The following DAAM2 variants were observed in gnomAD, a reference collection of about 807,000 sequenced individuals.
DAAM2 encodes disheveled-associated activator of morphogenesis 2.
DAAM2 carries 39 observed loss-of-function variants against 120.7 expected under a neutral mutation model. That is an observed-to-expected ratio of 0.32 (90% CI 0.25 to 0.42). The LOEUF is 0.42. Ranked by LOEUF, DAAM2 falls within the 10% of genes least tolerant of loss-of-function variation. The pLI, the probability that DAAM2 is intolerant of heterozygous loss-of-function variation, is 1.00. For synonymous variants in DAAM2, 488 were observed against 524.9 expected (o/e 0.93, Z 0.96); for missense variants, 1,283 against 1,401.7 (o/e 0.92, Z 1.35).
Position 39,879,408 on chromosome 6 carries a change from A to G in DAAM2, c.1776A>G (p.Pro592=). The change falls in exon 14 of 25, where the codon CCA becomes CCG. Residue 592 remains proline (P), a synonymous_variant. Transcript: ENST00000274867. ...PQDPYPSSDV[P]LRKKRVPQPS... The stretch of plus-strand genomic sequence containing the variant: ...ACCCCTACCCCAGCAGTGACGTCCC[A>G]CTCAGGAAAAAGCGTGTCCCCCAGC... 1 of 1,605,622 alleles carries G rather than the reference A, an allele frequency of 6.2e-7. No individual in the cohort carries two copies. Among genetic ancestry groups the G allele is most frequent in the South Asian group, 1.1e-5 (1 of 90,702 alleles).
chr6:39,871,608 G>A (rs762312830), intron 9 of DAAM2, 36 bp downstream of exon 9: 5 of 1,537,698 alleles, frequency 3.3e-6, no homozygotes, highest in South Asian at 2.4e-5. Context: ...TTGCAATGGG[G>A]TAGTAGGGTT....
chr6:39,872,376 C>T (rs536862962), intron 9 of DAAM2, among the ~76,000 whole-genome samples: 3 of 152,268 alleles, frequency 2.0e-5, no homozygotes, highest in East Asian at 1.9e-4. Flanking sequence ...GGGAAGGCAT[C>T]GGCCTAGGAG....
Position 39,901,964 on chromosome 6 carries a change from G to T in DAAM2, c.3134G>T (p.Arg1045Leu). The T allele has an allele frequency of 6.2e-7, 1 of 1,612,306 alleles. No individual in the cohort carries two copies. The highest frequency in any genetic ancestry group is 1.3e-5 in the African/African-American group (1 of 75,018). Residue 1045 changes from arginine (R) to leucine (L), a missense_variant, in exon 25 of 25, where the codon CGC (arginine) becomes CTC (leucine). Transcript: ENST00000274867. The surrounding 1 kb of genome is among the most constrained non-coding windows in gnomAD (Gnocchi z 4.5). Reference protein sequence around the residue: ...VFDKDLCKLKRSRKRSGSQAL... With the variant: ...VFDKDLCKLKLSRKRSGSQAL... ...GACAAGGACTTATGCAAGCTCAAGC[G>T]CAGCCGCAAGCGATCAGGGAGCCAG... is the stretch of plus-strand genomic sequence containing the variant.
rs140071962 is a variant in DAAM2 at position 39,848,240 on chromosome 6, C to T, written c.-56-8007C>T. ...CAGGGCCTGGAGCCGCACCTCCTTG[C>T]CTCCCTTACATCCTAGGATCTGATG... On this transcript the variant is annotated intron_variant, in intron 1 of 24. Coordinates refer to ENST00000274867, the MANE Select transcript of DAAM2 (RefSeq NM_001201427.2). 8.6e-3 allele frequency among the ~76,000 whole-genome samples: 1,307 copies of T among 152,256 alleles called. 15 individuals carry two copies. The highest frequency in any genetic ancestry group is 0.03 in the African/African-American group (1,230 of 41,540).
chr6:39,898,843 G>A, intron 21 of DAAM2, 34 bp from the exon 22 acceptor site: 7 of 1,584,260 alleles, frequency 4.4e-6, no homozygotes, highest in Non-Finnish European at 6.0e-6. Context: ...GGAGTTGATG[G>A]TCCTCATTCC....
At chr6:39,824,637 T>C (rs1762603527) in intron 1 of DAAM2, among the ~76,000 whole-genome samples, 1 of 152,138 alleles carries the variant, frequency 6.6e-6, no homozygotes, top group South Asian at 2.1e-4. Flanking sequence ...CAGAGAACTT[T>C]GCATCAGCAT....
chr6:39,834,381 T>A (rs1343838750), intron 1 of DAAM2, among the ~76,000 whole-genome samples: 5 of 152,188 alleles, frequency 3.3e-5, no homozygotes, highest in Non-Finnish European at 7.3e-5. Flanking sequence ...GGAGAAAAAG[T>A]GTGATGTGGA....
At chr6:39,868,752 T>A (rs1764528847) in intron 6 of DAAM2, 71 bp from the exon 7 acceptor site, 1 of 1,143,806 alleles carries the variant, frequency 8.7e-7, no homozygotes, top group Non-Finnish European at 1.3e-6. Flanking sequence ...GCGACAGGAG[T>A]AAAGATGCAA....
chr6:39,861,381 G>A (rs1305284721), intron 3 of DAAM2: 5 of 364,804 alleles, frequency 1.4e-5, no homozygotes, highest in Non-Finnish European at 2.7e-5. Flanking sequence ...AATCAGTTTG[G>A]GGGGCAGGGA....
In DAAM2 at chr6:39,902,363, C is replaced by T; in HGVS notation, c.*326C>T. Reference sequence around the variant, plus strand: ...TACCATGGGCACCCATGTGCTGGCACAGAACAGTTCCAGATCTAGACTGGA... The same window carrying T: ...TACCATGGGCACCCATGTGCTGGCATAGAACAGTTCCAGATCTAGACTGGA... On this transcript the variant is annotated 3_prime_UTR_variant, in exon 25 of 25. Transcript: ENST00000274867. The T allele has an allele frequency of 4.3e-6, 1 of 231,476 alleles. No individual in the cohort carries two copies. The highest frequency in any genetic ancestry group is 8.3e-6 in the Non-Finnish European group (1 of 119,900). The allele number at this position is 231,476 out of a possible 1,614,324, so 14.3% of individuals were successfully genotyped here. A position where few individuals can be genotyped will look rare whatever the true frequency, so the allele number is the denominator to read the frequency against.
intron 1 of DAAM2, among the ~76,000 whole-genome samples, chr6:39,842,677 T>A (rs989227385): frequency 1.3e-5 from 2 of 151,970 alleles, no homozygotes; most frequent in Non-Finnish European, 2.9e-5. Context: ...ATACAAGATA[T>A]TAAATAACGT....
intron 14 of DAAM2, among the ~76,000 whole-genome samples, chr6:39,881,341 C>T (rs1222466588): frequency 6.6e-6 from 1 of 152,214 alleles, no homozygotes; most frequent in Non-Finnish European, 1.5e-5. Flanking sequence ...CAATGCCAAG[C>T]TTTTAATTGT....
chr6:39,872,380 C>T (rs1294635117), intron 9 of DAAM2, among the ~76,000 whole-genome samples: 2 of 152,128 alleles, frequency 1.3e-5, no homozygotes, highest in African/African-American at 4.8e-5. Context: ...AGGCATCGGC[C>T]TAGGAGGAGA....
intron 6 of DAAM2, chr6:39,868,287 A>G: frequency 4.3e-6 from 1 of 231,896 alleles, no homozygotes. Flanking sequence ...AGCTTCAGCC[A>G]TGCTATTCTC....
Position 39,858,331 on chromosome 6 carries a change from T to C in DAAM2, c.168+1861T>C, listed in dbSNP as rs755572374. ...TGACCATTTGGAGGCTTTTGCCTCC[T>C]AATCCTACAGGTTAGAGAGAAGGGT... is the stretch of plus-strand genomic sequence containing the variant. On this transcript the variant is annotated intron_variant, in intron 2 of 24. Transcript: ENST00000274867. Among the ~76,000 whole-genome samples, 4 of 152,228 alleles carry C rather than the reference T, an allele frequency of 2.6e-5. No individual in the cohort carries two copies. The East Asian group carries it at 7.7e-4, about 29-fold the overall frequency.
At chr6:39,801,320 G>A (rs957903717) in intron 1 of DAAM2, among the ~76,000 whole-genome samples, 3 of 152,140 alleles carry the variant, frequency 2.0e-5, no homozygotes, top group Admixed American at 1.3e-4. Flanking sequence ...CTGAGTGAAT[G>A]TCTTGACTTT....
rs768402824 is a variant in DAAM2, at chr6:39,864,484, G to T, written c.310G>T (p.Asp104Tyr). The change falls in exon 4 of 25, where the codon GAC (aspartate) becomes TAC (tyrosine). Residue 104 changes from aspartate to tyrosine, a missense_variant. Asp to Tyr is a radical substitution (Grantham distance 160). Coordinates refer to ENST00000274867, the MANE Select transcript of DAAM2 (RefSeq NM_001201427.2). Reference sequence around the variant, plus strand: ...AACCAGCTGGCCTGACTATTACATCGACCGCATCAATTCCATGGCTGCGGT... The same window carrying T: ...AACCAGCTGGCCTGACTATTACATCTACCGCATCAATTCCATGGCTGCGGT... ...LATSWPDYYI[D>Y]RINSMAAMQS... is the part of the protein sequence containing the mutation. The T allele has an allele frequency of 6.2e-7, 1 of 1,612,132 alleles. No homozygotes were observed. The highest frequency in any genetic ancestry group is 1.3e-5 in the African/African-American group (1 of 74,816).
intron 1 of DAAM2, 128 bp from the exon 2 acceptor site, chr6:39,856,119 T>TGGGGCCACCGGGGGGGGGGG: frequency 3.9e-6 from 2 of 509,076 alleles, no homozygotes; most frequent in Non-Finnish European, 5.6e-6. Context: ...GCGGGGTGGG[T>TGGGGCCACCGGGGGGGGGGG]GGGGCTTTGC....
At chr6:39,814,778 G>A (rs374592460) in intron 1 of DAAM2, among the ~76,000 whole-genome samples, 28 of 152,166 alleles carry the variant, frequency 1.8e-4, no homozygotes, top group African/African-American at 6.5e-4. Context: ...GTGTATCAAG[G>A]AGATTTGAGG....
Sources: allele counts gnomAD v4.1 joint callset (sites outside exome capture counted in the v4.1 genomes callset), GRCh38; gene constraint gnomAD v4.1.1; non-coding constraint Gnocchi (gnomAD v3.1); transcripts MANE v1.5; gene names NCBI Gene and HGNC (gene_info 2026-07-23, HGNC 2026-07-21).